Variants in SMIM13 observed in about 807,000 individuals in gnomAD.
SMIM13 encodes the protein UPF0766 protein C6orf228.
SMIM13 carries 3 observed loss-of-function variants against 5.9 expected under a neutral mutation model. That is an observed-to-expected ratio of 0.51 (90% CI 0.23 to 1.31). SMIM13 has a LOEUF of 1.31. Ranked by LOEUF, SMIM13 falls within the 40% of genes most tolerant of loss-of-function variation. SMIM13 has a pLI of 0.18. For missense variants in SMIM13, 85 were observed against 109.9 expected (o/e 0.77, Z 1.01); for synonymous variants, 55 against 46.0 (o/e 1.19, Z -0.79).
chr6:11,127,993 G>A (rs1262620396), intron 1 of SMIM13, among the ~76,000 whole-genome samples: 1 of 152,170 alleles, frequency 6.6e-6, no homozygotes, highest in African/African-American at 2.4e-5. Flanking sequence ...ACATCAGGAG[G>A]CTGCTTGGTA....
chr6:11,122,288 G>A (rs933741686), intron 1 of SMIM13, among the ~76,000 whole-genome samples: 14 of 152,196 alleles, frequency 9.2e-5, no homozygotes, highest in Non-Finnish European at 1.8e-4. Flanking sequence ...CTTATGAAAG[G>A]TGCAGTGTGA....
rs775048038 is a variant in SMIM13 at position 11,104,657 on chromosome 6, A to C, written c.76+10268A>C. 1.9e-5 allele frequency: 31 copies of C among 1,614,088 alleles called. No homozygotes were observed. In the East Asian group the frequency reaches 6.9e-4, roughly 36 times the overall value. On this transcript the variant is annotated intron_variant, in intron 1 of 1. Coordinates refer to ENST00000416247, the MANE Select transcript of SMIM13 (RefSeq NM_001135575.2). ...ATTCCGCTGTAGAGCTGAGGTTGGA[A>C]ATTTGCAGACATTGGTTATAATCAG... is the stretch of plus-strand genomic sequence containing the variant.
In SMIM13 at chr6:11,134,795, G is replaced by A; in HGVS notation, c.*193G>A. 2 of 423,100 alleles carry A rather than the reference G, an allele frequency of 4.7e-6. No homozygotes were observed. Among genetic ancestry groups the A allele is most frequent in the Non-Finnish European group, 8.2e-6 (2 of 244,230 alleles). 26.2% of individuals were successfully genotyped at this position (423,100 alleles called of 1,614,324 possible). A position where few individuals can be genotyped will look rare whatever the true frequency, so the allele number is the denominator to read the frequency against. ...GGACTATTATAAATTTCATCTTAAA[G>A]ATAATCTTTTGTTTCACCAGCTTTC... On this transcript the variant is annotated 3_prime_UTR_variant, in exon 2 of 2. Transcript: ENST00000416247.
intron 1 of SMIM13, among the ~76,000 whole-genome samples, chr6:11,115,996 T>G (rs973745642): frequency 2.8e-5 from 4 of 144,674 alleles, no homozygotes; most frequent in Non-Finnish European, 6.0e-5. Context: ...CGGCCGGCCT[T>G]CCTTCCTTCC....
chr6:11,133,750 T>TA (rs1343942772), intron 1 of SMIM13, among the ~76,000 whole-genome samples: 13 of 152,088 alleles, frequency 8.5e-5, no homozygotes, highest in Non-Finnish European at 1.5e-4. Flanking sequence ...TTTTTTTTTT[T>TA]TGTTAAAAGA....
chr6:11,104,828 G>A (rs765281057), intron 1 of SMIM13: 2 of 1,614,088 alleles, frequency 1.2e-6, no homozygotes, highest in African/African-American at 1.3e-5. Flanking sequence ...GGTTGTGGGT[G>A]TATGTTTGGT....
chr6:11,108,276 C>T (rs544073952), intron 1 of SMIM13, among the ~76,000 whole-genome samples: 1 of 152,322 alleles, frequency 6.6e-6, no homozygotes, highest in East Asian at 1.9e-4. Context: ...GCAGGCAGCC[C>T]TCATGTCCAA....
intron 1 of SMIM13, chr6:11,104,199 A>G (rs1263950348): frequency 6.4e-6 from 10 of 1,551,598 alleles, no homozygotes; most frequent in Admixed American, 2.0e-5. Context: ...GATTCCAGCA[A>G]TTCCGGTTCC....
intron 1 of SMIM13, chr6:11,104,409 C>A: frequency 6.4e-7 from 1 of 1,551,548 alleles, no homozygotes; most frequent in Middle Eastern, 1.7e-4. Flanking sequence ...CGACTGGCCA[C>A]AAATATAAAA....
intron 1 of SMIM13, chr6:11,104,314 G>A: frequency 1.9e-6 from 3 of 1,551,726 alleles, no homozygotes; most frequent in Non-Finnish European, 2.6e-6. Flanking sequence ...GGAAGAGAGA[G>A]ATTGCCAGGG....
intron 1 of SMIM13, among the ~76,000 whole-genome samples, chr6:11,115,675 CTTTT>C (rs930822288): frequency 3.4e-5 from 5 of 147,762 alleles, no homozygotes; most frequent in African/African-American, 1.2e-4. Flanking sequence ...TTCTTTCTTT[CTTTT>C]TTCTTTTCTT....
At chr6:11,098,136 G>GT (rs1757948787) in intron 1 of SMIM13, among the ~76,000 whole-genome samples, 1 of 152,202 alleles carries the variant, frequency 6.6e-6, no homozygotes, top group Admixed American at 6.5e-5. Flanking sequence ...AATTTATGTA[G>GT]TTTTCTCTAG....
intron 1 of SMIM13, among the ~76,000 whole-genome samples, chr6:11,112,283 G>A (rs1490464466): frequency 6.6e-6 from 1 of 150,804 alleles, no homozygotes; most frequent in African/African-American, 2.4e-5. Flanking sequence ...AGACAGCCTC[G>A]CTCTGTCTCC....
Position 11,116,982 on chromosome 6 carries a change from C to CTTTTT in SMIM13, c.77-17398_77-17394dup, listed in dbSNP as rs68092921. Among the ~76,000 whole-genome samples, 29 of 46,448 alleles carry CTTTTT rather than the reference C, an allele frequency of 6.2e-4. 9 individuals are homozygous for CTTTTT. The highest frequency in any genetic ancestry group is 2.0e-3 in the East Asian group (3 of 1,464). The allele number at this position is 46,448 out of a possible 152,430, so 30.5% of individuals were successfully genotyped here. On this transcript the variant is annotated intron_variant, in intron 1 of 1. Coordinates refer to ENST00000416247, the MANE Select transcript of SMIM13 (RefSeq NM_001135575.2). ...AATAGACATTTAATGATAATTGTTT[C>CTTTTT]TTTTTTTTTTTTTTTTTTTTTTTTT...
intron 1 of SMIM13, among the ~76,000 whole-genome samples, chr6:11,112,005 G>A (rs1272370084): frequency 2.6e-5 from 4 of 152,102 alleles, no homozygotes; most frequent in Admixed American, 1.3e-4. Flanking sequence ...GCCCAGCTTC[G>A]GAGATCTTAT....
chr6:11,097,335 A>G (rs1158681381), intron 1 of SMIM13, among the ~76,000 whole-genome samples: 2 of 152,038 alleles, frequency 1.3e-5, no homozygotes, highest in Non-Finnish European at 2.9e-5. Flanking sequence ...CTATGACTTT[A>G]TTTAACCTTA....
intron 1 of SMIM13, among the ~76,000 whole-genome samples, chr6:11,129,979 T>A (rs997771280): frequency 2.6e-5 from 4 of 152,096 alleles, no homozygotes; most frequent in African/African-American, 9.7e-5. Context: ...TTTAGTCTCA[T>A]CCTTTGTTCA....
rs193167934 is a variant in SMIM13, at chr6:11,131,110, G to C, written c.77-3293G>C. 2.7e-3 allele frequency among the ~76,000 whole-genome samples: 406 copies of C among 152,118 alleles called. 1 individual carries two copies. Among genetic ancestry groups the C allele is most frequent in the Non-Finnish European group, 4.7e-3 (321 of 67,972 alleles). On this transcript the variant is annotated intron_variant, in intron 1 of 1. Coordinates refer to ENST00000416247, the MANE Select transcript of SMIM13 (RefSeq NM_001135575.2). ...GTGAGTTCTTTTAAGTTACATTTTT[G>C]AGTCTAACCTAAGAGTTAAGAGAAG...
At chr6:11,095,052 T>C (rs995916124) in intron 1 of SMIM13, among the ~76,000 whole-genome samples, 5 of 152,222 alleles carry the variant, frequency 3.3e-5, no homozygotes. Context: ...ATTTTAGATC[T>C]TTTTGATTTC....
Sources: allele counts gnomAD v4.1 joint callset (sites outside exome capture counted in the v4.1 genomes callset), GRCh38; gene constraint gnomAD v4.1.1; transcripts MANE v1.5; gene names NCBI Gene and HGNC (gene_info 2026-07-23, HGNC 2026-07-21).